Variants in PRR5 observed in about 807,000 individuals in gnomAD.
The protein encoded by PRR5 is proline-rich protein 5.
In PRR5, 25 loss-of-function variants were observed where a neutral mutation model predicts 30.6. That is an observed-to-expected ratio of 0.82 (90% CI 0.60 to 1.14). PRR5 has a LOEUF of 1.14. PRR5 is among the 50% of genes most tolerant of loss of function. PRR5 has a pLI of 0.00. For missense variants in PRR5, 600 were observed against 547.1 expected, an observed-to-expected ratio of 1.10 and a Z score of -0.96; for synonymous variants, 286 against 247.1, an observed-to-expected ratio of 1.16 and a Z score of -1.48.
chr22:44,714,735 G>C, intron 2 of PRR5, 64 bp downstream of exon 2: 2 of 1,589,642 alleles, frequency 1.3e-6, no homozygotes, highest in South Asian at 1.1e-5. Context: ...GCCCAGAGTC[G>C]AAGGCCCCAG....
upstream of PRR5, among the ~76,000 whole-genome samples, chr22:44,675,874 T>C (rs945071372): frequency 6.6e-6 from 1 of 151,718 alleles, no homozygotes; most frequent in Non-Finnish European, 1.5e-5. Flanking sequence ...TGTGCCCCAC[T>C]CCTAGCCACG....
At chr22:44,706,777 C>T (rs1418317828) in intron 1 of PRR5, among the ~76,000 whole-genome samples, 2 of 152,280 alleles carry the variant, frequency 1.3e-5, no homozygotes, top group East Asian at 1.9e-4. Flanking sequence ...ATCCACCTGC[C>T]TCAGTCTCCC....
At chr22:44,716,541 T>TA (rs1259334933) in intron 2 of PRR5, among the ~76,000 whole-genome samples, 1 of 151,968 alleles carries the variant, frequency 6.6e-6, no homozygotes, top group East Asian at 1.9e-4. Context: ...AAAAGTAAAT[T>TA]AAAAAAATAC....
chr22:44,692,279 G>A (rs546604943), intron 1 of PRR5, among the ~76,000 whole-genome samples: 6 of 124,586 alleles, frequency 4.8e-5, no homozygotes, highest in Admixed American at 1.6e-4. Context: ...CTCCTCCCAC[G>A]CTCCTCCACC....
chr22:44,702,234 C>A lies in PRR5; in HGVS notation c.-241C>A. The stretch of plus-strand genomic sequence containing the variant: ...CCGTTTGCGCCGGGTCTGTGCTGGC[C>A]GCGCGCCTGGCGCTCCACGCTGAGC... On this transcript the variant is annotated 5_prime_UTR_variant, in exon 1 of 8. Coordinates refer to ENST00000336985, the MANE Select transcript of PRR5 (RefSeq NM_181333.4). 2 of 1,118,076 alleles carry A rather than the reference C, an allele frequency of 1.8e-6. No individual in the cohort carries two copies. Among genetic ancestry groups the A allele is most frequent in the South Asian group, 8.7e-5 (2 of 22,998 alleles). 69.3% of individuals were successfully genotyped at this position (1,118,076 alleles called of 1,614,324 possible).
intron 2 of PRR5, 87 bp from the exon 3 acceptor site, chr22:44,725,157 C>T: frequency 1.3e-6 from 2 of 1,581,000 alleles, no homozygotes; most frequent in Middle Eastern, 1.9e-4. Flanking sequence ...TCTCCCCCTG[C>T]CCAGGAGGCC....
intron 1 of PRR5, among the ~76,000 whole-genome samples, chr22:44,696,310 A>G (rs1925739688): frequency 6.6e-6 from 1 of 152,144 alleles, no homozygotes; most frequent in Admixed American, 6.6e-5. Context: ...CTGCAATGCC[A>G]TCCTCGAGCT....
upstream of PRR5, among the ~76,000 whole-genome samples, chr22:44,701,921 G>A: frequency 6.6e-6 from 1 of 151,758 alleles, no homozygotes; most frequent in Non-Finnish European, 1.5e-5. Flanking sequence ...CCGCAGTGCT[G>A]GGCGGGGGGC....
rs546435994 is a variant in PRR5 at position 44,730,524 on chromosome 22, C to T, written c.323-1206C>T. 2,573 of 989,982 alleles carry T rather than the reference C, an allele frequency of 2.6e-3. 3 individuals carry two copies. Among genetic ancestry groups the T allele is most frequent in the Non-Finnish European group, 2.9e-3 (2,395 of 832,924 alleles). The allele number at this position is 989,982 out of a possible 1,614,324, so 61.3% of individuals were successfully genotyped here. A position where few individuals can be genotyped will look rare whatever the true frequency, so the allele number is the denominator to read the frequency against. ...GTCCCCGTCCCACAAGGGTCACTCA[C>T]CTGGTGCATGGCACCGTTCCTCTCA... On this transcript the variant is annotated intron_variant, in intron 4 of 7. Coordinates refer to ENST00000336985, the MANE Select transcript of PRR5 (RefSeq NM_181333.4).
intron 3 of PRR5, 94 bp from the exon 4 acceptor site, chr22:44,726,483 G>T: frequency 6.3e-7 from 1 of 1,578,722 alleles, no homozygotes; most frequent in Admixed American, 1.7e-5. Context: ...AGCCTTGGCT[G>T]CTCACTGGTG....
At chr22:44,676,390 C>CAAAAAAAAAAAAAAAAAAAAAAA (rs59016907), upstream of PRR5, among the ~76,000 whole-genome samples, 1 of 37,072 alleles carries the variant, frequency 2.7e-5, no homozygotes, top group Non-Finnish European at 5.9e-5. Context: ...GACCCTGTCT[C>CAAAAAAAAAAAAAAAAAAAAAAA]AAAAAAAAAA....
chr22:44,731,865 G>A (rs980260249), intron 5 of PRR5, 44 bp downstream of exon 5: 2 of 1,586,326 alleles, frequency 1.3e-6, no homozygotes, highest in African/African-American at 1.3e-5. Context: ...TGCCCCTGCT[G>A]TGCCCACCCT....
At chr22:44,700,954 C>T (rs1351561211), upstream of PRR5, among the ~76,000 whole-genome samples, 1 of 152,160 alleles carries the variant, frequency 6.6e-6, no homozygotes, top group Non-Finnish European at 1.5e-5. Context: ...GAGATCTCAG[C>T]TCTCTGCAAC....
intron 7 of PRR5, 116 bp from the exon 8 acceptor site, chr22:44,736,656 G>T: frequency 1.4e-6 from 2 of 1,450,432 alleles, no homozygotes; most frequent in Non-Finnish European, 9.1e-7. Context: ...GCCCCGGGTC[G>T]GGCCTTCCCT....
chr22:44,709,073 G>A (rs990937320), intron 1 of PRR5, among the ~76,000 whole-genome samples: 8 of 147,106 alleles, frequency 5.4e-5, no homozygotes, highest in Non-Finnish European at 8.9e-5. Context: ...CCGGGAGCAC[G>A]TGCTCATGGG....
intron 1 of PRR5, among the ~76,000 whole-genome samples, chr22:44,708,044 G>A (rs1927512165): frequency 6.6e-6 from 1 of 152,004 alleles, no homozygotes; most frequent in Non-Finnish European, 1.5e-5. Flanking sequence ...CTACAAATGG[G>A]GAAACCTGGC....
rs916816702 is a variant in PRR5, at chr22:44,714,501, A to G, written c.135-90A>G. 3.9e-6 allele frequency: 6 copies of G among 1,533,948 alleles called. No homozygotes were observed. The African/African-American group carries it at 4.1e-5, about 10-fold the overall frequency. ...GCAGGGATGGCTATCCTGCCCTTCT[A>G]GGAGAGAGGGAAAGAGGAATGGGGC... On this transcript the variant is annotated intron_variant, in intron 1 of 7. Coordinates refer to ENST00000336985, the MANE Select transcript of PRR5 (RefSeq NM_181333.4).
chr22:44,696,486 C>T (rs574607032), intron 1 of PRR5, among the ~76,000 whole-genome samples: 2 of 152,160 alleles, frequency 1.3e-5, no homozygotes, highest in Non-Finnish European at 1.5e-5. Flanking sequence ...GCATGTGTGA[C>T]GTCTGGTGTA....
intron 6 of PRR5, among the ~76,000 whole-genome samples, chr22:44,733,811 TAGG>T (rs1922682886): frequency 6.6e-6 from 1 of 152,096 alleles, no homozygotes; most frequent in African/African-American, 2.4e-5. Context: ...GGCCAGGACA[TAGG>T]AGCCTGTACC....
Sources: allele counts gnomAD v4.1 joint callset (sites outside exome capture counted in the v4.1 genomes callset), GRCh38; gene constraint gnomAD v4.1.1; transcripts MANE v1.5; gene names NCBI Gene and HGNC (gene_info 2026-07-23, HGNC 2026-07-21).